ARHGAP9: variants seen among roughly 807,000 people sequenced by gnomAD.
ARHGAP9 encodes the protein Rho GTPase activating protein 9, also known as rho GTPase-activating protein 9.
ARHGAP9 carries 76 observed loss-of-function variants against 87.3 expected under a neutral mutation model. The observed-to-expected ratio is 0.87, with a 90% CI of 0.72 to 1.05. ARHGAP9 has a LOEUF of 1.05. Among genes scored for constraint, ARHGAP9 ranks in the 50% least tolerant of loss-of-function variants. The pLI is 0.00. For synonymous variants in ARHGAP9, 382 were observed against 394.9 expected, an observed-to-expected ratio of 0.97 and a Z score of 0.39; for missense variants, 941 against 960.5, an observed-to-expected ratio of 0.98 and a Z score of 0.27.
At position 57,479,151 on chromosome 12, in the gene ARHGAP9, C is replaced by T. The variant is rs1479587724; in HGVS notation, c.256G>A (p.Glu86Lys). Residue 86 changes from glutamate (E) to lysine (K), a missense_variant, in exon 2 of 18, where the codon GAA becomes AAA. Coordinates refer to ENST00000393791, the MANE Select transcript of ARHGAP9 (RefSeq NM_032496.4). Reference protein sequence around the residue: ...IFVPAAYMIEESIPSQSPTTV... With the variant: ...IFVPAAYMIEKSIPSQSPTTV... ...GTTGGACTCTGGGAAGGGATGGATT[C>T]CTCTATCATATAGGCTGCTGGGACG... is the stretch of plus-strand genomic sequence containing the variant. The T allele has an allele frequency of 5.0e-6, 8 of 1,614,164 alleles. No individual in the cohort carries two copies. Among genetic ancestry groups the T allele is most frequent in the Non-Finnish European group, 6.8e-6 (8 of 1,180,026 alleles).
At chr12:57,475,124 C>T (rs1227740607) in intron 12 of ARHGAP9, 151 bp from the exon 13 acceptor site, 2 of 1,114,236 alleles carry the variant, frequency 1.8e-6, no homozygotes, top group East Asian at 5.2e-5. Flanking sequence ...CCTTCCCCTG[C>T]TTCAAACAAT....
upstream of ARHGAP9, chr12:57,480,247 T>G (rs2139964663): frequency 2.0e-6 from 1 of 504,244 alleles, no homozygotes; most frequent in Non-Finnish European, 2.6e-6. Flanking sequence ...GATGGCGAGA[T>G]CTCGGGTCAC....
intron 1 of ARHGAP9, 106 bp downstream of exon 1, chr12:57,479,624 G>A (rs762855408): frequency 2.6e-6 from 4 of 1,546,054 alleles, no homozygotes; most frequent in South Asian, 1.2e-5. Flanking sequence ...GTCTGGTGAG[G>A]AAGTATGTAA....
chr12:57,478,597 T>A lies in ARHGAP9; in HGVS notation c.477A>T (p.Gly159=). ...SPSLLKPFQE[G]PSGRSLSQED... is the part of the protein sequence containing the mutation. Reference sequence around the variant, plus strand: ...CCTGGGAGAGGGATCTTCCGCTTGGTCCTTCCTGGAAAGGCTTCAGAAGGC... The same window carrying A: ...CCTGGGAGAGGGATCTTCCGCTTGGACCTTCCTGGAAAGGCTTCAGAAGGC... Residue 159 remains glycine, a synonymous_variant, in exon 3 of 18, where the codon GGA becomes GGT. Transcript: ENST00000393791. 6.2e-7 allele frequency: 1 copy of A among 1,614,062 alleles called. No homozygotes were observed. Among genetic ancestry groups the A allele is most frequent in the Non-Finnish European group, 8.5e-7 (1 of 1,180,024 alleles).
intron 17 of ARHGAP9, 87 bp from the exon 18 acceptor site, chr12:57,472,775 G>C (rs1393906088): frequency 7.0e-7 from 1 of 1,421,968 alleles, no homozygotes; most frequent in Non-Finnish European, 9.8e-7. Context: ...TTCTGAGCAG[G>C]GAAGAGTTCA....
chr12:57,481,110 C>T (rs148109859), upstream of ARHGAP9, among the ~76,000 whole-genome samples: 23 of 152,116 alleles, frequency 1.5e-4, no homozygotes, highest in Non-Finnish European at 2.8e-4. Context: ...TTCTCTGAAA[C>T]TCTCTCTCCT....
intron 15 of ARHGAP9, 25 bp from the exon 16 acceptor site, chr12:57,474,201 G>T: frequency 1.2e-6 from 2 of 1,602,306 alleles, no homozygotes; most frequent in Non-Finnish European, 1.7e-6. Flanking sequence ...AGGTATAGGG[G>T]CTCATGAAGG....
chr12:57,479,522 A>G (rs1191138116), intron 1 of ARHGAP9, 98 bp from the exon 2 acceptor site: 7 of 1,497,778 alleles, frequency 4.7e-6, no homozygotes, highest in Middle Eastern at 1.8e-4. Context: ...CAGGGAGGTG[A>G]GGACGGGAGC....
At chr12:57,480,275 G>A (rs905776239), upstream of ARHGAP9, among the ~76,000 whole-genome samples, 7 of 151,736 alleles carry the variant, frequency 4.6e-5, no homozygotes, top group African/African-American at 9.7e-5. Flanking sequence ...TCCGCCCCCC[G>A]GGTTCAAGTG....
chr12:57,479,298 C>CAGTATAAGT lies in ARHGAP9; in HGVS notation c.100_108dup (p.Thr34_Thr36dup), dbSNP rs778618877. The CAGTATAAGT allele has an allele frequency of 5.6e-6, 9 of 1,614,220 alleles. No homozygotes were observed. The highest frequency in any genetic ancestry group is 7.6e-6 in the Non-Finnish European group (9 of 1,180,040). ...AGAGACACCTGCTGGCCATCTGCCC[C>CAGTATAAGT]AGTATAAGTAAAGGCATAGAGGGCA... On this transcript the variant is annotated inframe_insertion, in exon 2 of 18. Coordinates refer to ENST00000393791, the MANE Select transcript of ARHGAP9 (RefSeq NM_032496.4).
At chr12:57,480,848 G>T, upstream of ARHGAP9, 1 of 1,550,358 alleles carries the variant, frequency 6.5e-7, no homozygotes. Flanking sequence ...TTTGGGTTTG[G>T]AGAGGTGGGT....
chr12:57,479,700 G>T (rs1346314558), intron 1 of ARHGAP9, 30 bp downstream of exon 1: 22 of 1,550,722 alleles, frequency 1.4e-5, no homozygotes, highest in Non-Finnish European at 1.9e-5. Flanking sequence ...TAGAGGAGAT[G>T]ACCTAGGCCA....
intron 13 of ARHGAP9, 37 bp from the exon 14 acceptor site, chr12:57,474,740 T>C: frequency 6.2e-7 from 1 of 1,612,512 alleles, no homozygotes; most frequent in South Asian, 1.1e-5. Flanking sequence ...GGACTGCTGC[T>C]TGAAAGTGTG....
rs1220087640 is a variant in ARHGAP9 at position 57,477,239 on chromosome 12, G to C, written c.787C>G (p.Leu263Val). 1 of 1,591,254 alleles carries C rather than the reference G, an allele frequency of 6.3e-7. No homozygotes were observed. The highest frequency in any genetic ancestry group is 8.6e-7 in the Non-Finnish European group (1 of 1,168,338). Reference sequence around the variant, plus strand: ...TGCAGGACATCATTGTTCCTCTTCAGGGTCTGTGTCCCCTCCATGGAGCCA... The same window carrying C: ...TGCAGGACATCATTGTTCCTCTTCACGGTCTGTGTCCCCTCCATGGAGCCA... ...NPGSMEGTQT[L>V]KRNNDVLQPQ... The change falls in exon 5 of 18, where the codon CTG becomes GTG. Residue 263 changes from leucine (L) to valine (V), a missense_variant. Leu to Val is a conservative substitution (Grantham distance 32, BLOSUM62 1). Coordinates refer to ENST00000393791, the MANE Select transcript of ARHGAP9 (RefSeq NM_032496.4).
At chr12:57,487,848 C>T (rs1875545909) in intron 1 of ARHGAP9, 1 of 409,472 alleles carries the variant, frequency 2.4e-6, no homozygotes, top group Non-Finnish European at 4.2e-6. Flanking sequence ...GACGCCCTCT[C>T]ACAAAAAAAA....
chr12:57,472,835 G>T (rs1250443650), intron 17 of ARHGAP9, 147 bp from the exon 18 acceptor site: 5 of 800,544 alleles, frequency 6.2e-6, no homozygotes, highest in African/African-American at 5.2e-5. Flanking sequence ...GATACAAGGA[G>T]AATGGAGATG....
chr12:57,473,737 A>G (rs112991183), intron 16 of ARHGAP9, 29 bp from the exon 17 acceptor site: 21,526 of 1,592,846 alleles, frequency 0.014, 176 homozygotes, highest in Non-Finnish European at 0.015. Flanking sequence ...AAGGCATGGT[A>G]GTAAGGTTAG....
rs1379853759 is a variant in ARHGAP9 at position 57,476,439 on chromosome 12, C to T, written c.1041G>A (p.Pro347=). 4 of 1,614,064 alleles carry T rather than the reference C, an allele frequency of 2.5e-6. No homozygotes were observed. The highest frequency in any genetic ancestry group is 3.4e-6 in the Non-Finnish European group (4 of 1,180,020). ...TGTTACCCGTTAACACCACCCAAGA[C>T]GGGCCCCAGTTCTTCCTGCGGGGAC... ...GGRKLRKNWG[P]SWVVLTGNSL... The change falls in exon 8 of 18, where the codon CCG becomes CCA. Residue 347 remains proline (P), a synonymous_variant. Coordinates refer to ENST00000393791, the MANE Select transcript of ARHGAP9 (RefSeq NM_032496.4).
chr12:57,480,746 C>G (rs574332462), upstream of ARHGAP9: 227 of 1,546,430 alleles, frequency 1.5e-4, no homozygotes, highest in Non-Finnish European at 1.9e-4. Flanking sequence ...ATTACCAGCA[C>G]TTTAAAACCC....
Sources: allele counts gnomAD v4.1 joint callset (sites outside exome capture counted in the v4.1 genomes callset), GRCh38; gene constraint gnomAD v4.1.1; transcripts MANE v1.5; gene names NCBI Gene and HGNC (gene_info 2026-07-23, HGNC 2026-07-21).